Variants in FAM163B observed in about 807,000 individuals in gnomAD.
FAM163B encodes the protein protein FAM163B.
Under a neutral mutation model 7.6 loss-of-function variants are expected in FAM163B, and 4 were observed. The observed-to-expected ratio is 0.52, with a 90% CI of 0.26 to 1.20. The LOEUF (loss-of-function observed/expected upper bound fraction) is 1.20, where lower values mean the gene tolerates loss of function less well. FAM163B is among the 50% of genes most tolerant of loss of function. The pLI is 0.14. For synonymous variants in FAM163B, 120 were observed against 111.6 expected (o/e 1.07, Z -0.47); for missense variants, 250 against 243.0 (o/e 1.03, Z -0.19).
intron 1 of FAM163B, among the ~76,000 whole-genome samples, chr9:133,583,258 G>GGGA (rs1301792293): frequency 2.6e-5 from 4 of 152,188 alleles, no homozygotes; most frequent in African/African-American, 4.8e-5. Flanking sequence ...TTCCCATAGG[G>GGGA]AAGCATGGGC....
intron 2 of FAM163B, 135 bp from the exon 3 acceptor site, chr9:133,579,564 C>T: frequency 8.9e-7 from 1 of 1,120,780 alleles, no homozygotes; most frequent in Non-Finnish European, 1.2e-6. Context: ...GGCCTGACAC[C>T]TCAGCTGTTT....
At chr9:133,579,657 G>A (rs1323847085) in intron 2 of FAM163B, among the ~76,000 whole-genome samples, 2 of 152,254 alleles carry the variant, frequency 1.3e-5, no homozygotes, top group African/African-American at 4.8e-5. Context: ...GCCCAGCAAC[G>A]TGCAGGTGTG....
chr9:133,586,673 C>T (rs1378567079), intron 1 of FAM163B, among the ~76,000 whole-genome samples: 1 of 150,486 alleles, frequency 6.6e-6, no homozygotes, highest in African/African-American at 2.5e-5. Context: ...GATTGTGGTG[C>T]CCAGGGGTCT....
At chr9:133,590,740 C>G (rs1831540592) in intron 1 of FAM163B, among the ~76,000 whole-genome samples, 2 of 152,168 alleles carry the variant, frequency 1.3e-5, no homozygotes, top group Non-Finnish European at 2.9e-5. Flanking sequence ...ACCCCAGACC[C>G]CAGCCAGCAG....
intron 1 of FAM163B, among the ~76,000 whole-genome samples, 183 bp downstream of exon 1, chr9:133,608,894 C>T (rs1016024493): frequency 2.0e-5 from 3 of 152,222 alleles, no homozygotes; most frequent in Admixed American, 6.5e-5. Flanking sequence ...GTCTCCTCCT[C>T]GGGGATGCGC....
intron 1 of FAM163B, among the ~76,000 whole-genome samples, chr9:133,592,959 G>A (rs576953870): frequency 6.6e-6 from 1 of 152,326 alleles, no homozygotes; most frequent in South Asian, 2.1e-4. Flanking sequence ...GTGGGCTCAC[G>A]AACCAATACT....
chr9:133,589,930 C>CG (rs1315618730), intron 1 of FAM163B, among the ~76,000 whole-genome samples: 1 of 152,054 alleles, frequency 6.6e-6, no homozygotes, highest in Non-Finnish European at 1.5e-5. Context: ...CTGAAAACCC[C>CG]GGGCAAGTCC....
chr9:133,588,792 T>G (rs1251841016), intron 1 of FAM163B, among the ~76,000 whole-genome samples: 1 of 150,700 alleles, frequency 6.6e-6, no homozygotes, highest in Non-Finnish European at 1.5e-5. Context: ...CGGGCACATC[T>G]GCTGCAGAGT....
intron 1 of FAM163B, among the ~76,000 whole-genome samples, chr9:133,584,304 G>C (rs1048955521): frequency 6.6e-6 from 1 of 152,118 alleles, no homozygotes; most frequent in South Asian, 2.1e-4. Flanking sequence ...ACGAGTCTGC[G>C]GGGCCTCTGT....
At position 133,587,921 on chromosome 9, in the gene FAM163B, A is replaced by G. The variant is rs74827466; in HGVS notation, c.-23-7675T>C. On this transcript the variant is annotated intron_variant, in intron 1 of 2. Coordinates refer to ENST00000673969, the MANE Select transcript of FAM163B (RefSeq NM_001080515.3). Reference sequence around the variant, plus strand: ...TGGGAGCCCCTGGAGCAGATAGGGAAGGGACAGAGAAAAGAGAAAAAGGTG... The same window carrying G: ...TGGGAGCCCCTGGAGCAGATAGGGAGGGGACAGAGAAAAGAGAAAAAGGTG... Among the ~76,000 whole-genome samples, 245 of 143,918 alleles carry G rather than the reference A, an allele frequency of 1.7e-3. 6 individuals carry two copies. Among genetic ancestry groups the G allele is most frequent in the Admixed American group, 0.013 (178 of 13,930 alleles). The allele number at this position is 143,918 out of a possible 152,430, so 94.4% of individuals were successfully genotyped here. A position where few individuals can be genotyped will look rare whatever the true frequency, so the allele number is the denominator to read the frequency against.
intron 1 of FAM163B, among the ~76,000 whole-genome samples, chr9:133,582,995 C>A (rs1476012413): frequency 2.0e-5 from 3 of 152,234 alleles, no homozygotes; most frequent in Non-Finnish European, 4.4e-5. Flanking sequence ...AGAGTGACTC[C>A]TGCTGTGTGT....
At chr9:133,592,477 A>T (rs3025295) in intron 1 of FAM163B, among the ~76,000 whole-genome samples, 2 of 151,952 alleles carry the variant, frequency 1.3e-5, no homozygotes, top group Non-Finnish European at 2.9e-5. Flanking sequence ...GAGCCATAGA[A>T]GAGTGCCTTC....
chr9:133,605,563 C>CCCACAGG (rs1831779911), intron 1 of FAM163B, among the ~76,000 whole-genome samples: 1 of 152,186 alleles, frequency 6.6e-6, no homozygotes, highest in Non-Finnish European at 1.5e-5. Context: ...CGGCAGGGAC[C>CCCACAGG]CACTCCCACA....
At chr9:133,594,205 TC>T (rs1831597838) in intron 1 of FAM163B, among the ~76,000 whole-genome samples, 1 of 152,182 alleles carries the variant, frequency 6.6e-6, no homozygotes, top group East Asian at 1.9e-4. Context: ...CCGTAAGGCA[TC>T]CCCATCAGTC....
chr9:133,608,806 TC>T (rs1466095092), intron 1 of FAM163B, among the ~76,000 whole-genome samples: 2 of 152,208 alleles, frequency 1.3e-5, no homozygotes, highest in African/African-American at 2.4e-5. Context: ...AGGCCACTGT[TC>T]CGAGGGAAAT....
intron 2 of FAM163B, 68 bp from the exon 3 acceptor site, chr9:133,579,497 C>T (rs1396484312): frequency 6.7e-7 from 1 of 1,486,090 alleles, no homozygotes; most frequent in African/African-American, 1.4e-5. Context: ...GTGGGAAAGG[C>T]TACCCCTGAC....
At chr9:133,608,266 G>A (rs368582651) in intron 1 of FAM163B, among the ~76,000 whole-genome samples, 1 of 152,320 alleles carries the variant, frequency 6.6e-6, no homozygotes, top group African/African-American at 2.4e-5. Context: ...CAGAGCCATC[G>A]GGGTTGCTAC....
chr9:133,581,194 G>A (rs1375881118), intron 1 of FAM163B, among the ~76,000 whole-genome samples: 7 of 152,190 alleles, frequency 4.6e-5, no homozygotes, highest in Non-Finnish European at 1.0e-4. Flanking sequence ...AGCTCTCAAA[G>A]CACCCGGCTG....
chr9:133,597,944 C>T (rs935277024), intron 1 of FAM163B, among the ~76,000 whole-genome samples: 4 of 152,212 alleles, frequency 2.6e-5, no homozygotes, highest in African/African-American at 7.2e-5. Context: ...ACACTGTCTC[C>T]TCTTCTAGAC....
Sources: allele counts gnomAD v4.1 joint callset (sites outside exome capture counted in the v4.1 genomes callset), GRCh38; gene constraint gnomAD v4.1.1; transcripts MANE v1.5; gene names NCBI Gene and HGNC (gene_info 2026-07-23, HGNC 2026-07-21).